Variants in RBM27 observed in about 807,000 individuals in gnomAD.
The protein encoded by RBM27 is RNA binding motif protein 27.
In RBM27, 22 loss-of-function variants were observed where a neutral mutation model predicts 135.3. The observed-to-expected ratio is 0.16, with a 90% confidence interval of 0.12 to 0.23. The LOEUF (loss-of-function observed/expected upper bound fraction) is 0.23. RBM27 is among the 10% of genes least tolerant of loss of function. The pLI is 1.00. For missense variants in RBM27, 1,009 were observed against 1,281.0 expected, an observed-to-expected ratio of 0.79 and a Z score of 3.24; for synonymous variants, 481 against 442.4, an observed-to-expected ratio of 1.09 and a Z score of -1.10.
intron 3 of RBM27, among the ~76,000 whole-genome samples, chr5:146,224,933 C>T (rs958847414): frequency 1.1e-4 from 17 of 152,038 alleles, no homozygotes; most frequent in African/African-American, 4.1e-4. Context: ...GAGTCACATA[C>T]TTCATGTCTT....
intron 1 of RBM27, among the ~76,000 whole-genome samples, chr5:146,204,041 G>A (rs1282408604): frequency 6.6e-6 from 1 of 152,156 alleles, no homozygotes; most frequent in African/African-American, 2.4e-5. Context: ...GGGACTGGGG[G>A]GGCAGGCAAG....
rs575199417 is a variant in RBM27, at chr5:146,211,231, G to T, written c.59+7407G>T. On this transcript the variant is annotated intron_variant, in intron 1 of 20. Coordinates refer to ENST00000265271, the MANE Select transcript of RBM27 (RefSeq NM_018989.2). ...GGAGGTTGAGGCTGCAGTGAGCTAT[G>T]ATCAAGCCACTGTACTCCAGCCTGG... Among the ~76,000 whole-genome samples, 20 of 152,116 alleles carry T rather than the reference G, an allele frequency of 1.3e-4. No individual in the cohort carries two copies. The South Asian group carries it at 4.1e-3, about 32-fold the overall frequency.
At chr5:146,274,630 A>G (rs1759015980) in intron 19 of RBM27, among the ~76,000 whole-genome samples, 2 of 152,124 alleles carry the variant, frequency 1.3e-5, no homozygotes, top group Non-Finnish European at 2.9e-5. Context: ...ATGAAGCATC[A>G]GTGTTTTATA....
intron 3 of RBM27, among the ~76,000 whole-genome samples, chr5:146,224,865 T>G (rs982246150): frequency 6.6e-6 from 1 of 152,086 alleles, no homozygotes; most frequent in African/African-American, 2.4e-5. Context: ...ACTGAAAATT[T>G]GCCCCATCTG....
chr5:146,212,223 T>G (rs1755993677), intron 1 of RBM27, among the ~76,000 whole-genome samples: 1 of 152,064 alleles, frequency 6.6e-6, no homozygotes, highest in Non-Finnish European at 1.5e-5. Flanking sequence ...GCCTGGCTAA[T>G]TTTTGTATTC....
chr5:146,238,597 A>G lies in RBM27; in HGVS notation c.1279+1165A>G, dbSNP rs995844284. Among the ~76,000 whole-genome samples, 11 of 151,902 alleles carry G rather than the reference A, an allele frequency of 7.2e-5. No homozygotes were observed. In the East Asian group the frequency reaches 2.1e-3, roughly 29 times the overall value. ...TTGTTTACTAAAGCTTTAAAAAATT[A>G]CTTCCTTCAAAAACATTTTTTAAAA... is the stretch of plus-strand genomic sequence containing the variant. On this transcript the variant is annotated intron_variant, in intron 8 of 20. Coordinates refer to ENST00000265271, the MANE Select transcript of RBM27 (RefSeq NM_018989.2).
At chr5:146,239,477 T>C (rs796757007) in intron 8 of RBM27, among the ~76,000 whole-genome samples, 49 of 140,246 alleles carry the variant, frequency 3.5e-4, no homozygotes, top group African/African-American at 8.9e-4. Context: ...CTTTTCTTTT[T>C]TTTTTTTTTT....
In RBM27 at chr5:146,277,517, A is replaced by ATTT. The variant is rs371321141; in HGVS notation, c.2988+5864_2988+5866dup. Among the ~76,000 whole-genome samples, 99 of 125,510 alleles carry ATTT rather than the reference A, an allele frequency of 7.9e-4. 1 individual carries two copies. The highest frequency in any genetic ancestry group is 9.9e-4 in the African/African-American group (32 of 32,272). 82.3% of individuals were successfully genotyped at this position (125,510 alleles called of 152,430 possible). On this transcript the variant is annotated intron_variant, in intron 19 of 20. Transcript: ENST00000265271. ...TAGATTTAGCATATTTACTGGGATA[A>ATTT]TTTTTTTTTTTTTTTTTTTTTTTGA...
intron 15 of RBM27, 30 bp from the exon 16 acceptor site, chr5:146,269,177 T>C (rs1413542522): frequency 6.7e-7 from 1 of 1,496,400 alleles, no homozygotes. Flanking sequence ...AATTACATTA[T>C]CTGTATTAAT....
At chr5:146,278,505 C>A (rs2939523) in intron 19 of RBM27, among the ~76,000 whole-genome samples, 98,891 of 151,458 alleles carry the variant, frequency 0.65, 32,548 homozygotes, top group Middle Eastern at 0.78. Flanking sequence ...TATTCTCTCT[C>A]TATATATATT....
At chr5:146,249,141 A>G (rs1757772445) in intron 8 of RBM27, among the ~76,000 whole-genome samples, 2 of 151,764 alleles carry the variant, frequency 1.3e-5, no homozygotes, top group African/African-American at 4.8e-5. Context: ...GCCACCATGC[A>G]TGGCTAATTT....
At chr5:146,241,044 C>A (rs1447845097) in intron 8 of RBM27, among the ~76,000 whole-genome samples, 1 of 151,896 alleles carries the variant, frequency 6.6e-6, no homozygotes, top group Admixed American at 6.6e-5. Context: ...TATTGTTTGC[C>A]TTTTGGACTT....
chr5:146,253,172 A>G (rs1757966591), intron 9 of RBM27, among the ~76,000 whole-genome samples: 1 of 151,808 alleles, frequency 6.6e-6, no homozygotes. Context: ...TAATTTTTGT[A>G]TTTTTAGTAG....
intron 8 of RBM27, among the ~76,000 whole-genome samples, chr5:146,246,038 T>G (rs559582525): frequency 1.9e-3 from 297 of 152,314 alleles, no homozygotes; most frequent in African/African-American, 6.9e-3. Context: ...AAGTTTCATT[T>G]GGGTACTTTA....
intron 4 of RBM27, 75 bp downstream of exon 4, chr5:146,229,112 T>G: frequency 9.6e-7 from 1 of 1,043,022 alleles, no homozygotes; most frequent in Non-Finnish European, 1.5e-6. Context: ...TTAAAGGGAT[T>G]TTTAATATAT....
At chr5:146,232,093 C>T (rs1163465587) in intron 6 of RBM27, among the ~76,000 whole-genome samples, 5 of 152,080 alleles carry the variant, frequency 3.3e-5, no homozygotes, top group African/African-American at 1.2e-4. Flanking sequence ...ATGCTTAACC[C>T]CAGTGTATCC....
chr5:146,251,151 T>C (rs952227823), intron 8 of RBM27, among the ~76,000 whole-genome samples: 1 of 152,196 alleles, frequency 6.6e-6, no homozygotes, highest in Non-Finnish European at 1.5e-5. Flanking sequence ...TCACTATCTT[T>C]AATTTTTTTC....
rs757693118 is a variant in RBM27, at chr5:146,233,637, TCCAGGCCC to T, written c.1039_1046del (p.Pro347ArgfsTer11). 5 of 1,589,746 alleles carry T rather than the reference TCCAGGCCC, an allele frequency of 3.1e-6. No individual in the cohort carries two copies. The South Asian group carries it at 5.7e-5, about 18-fold the overall frequency. On this transcript the variant is annotated frameshift_variant, in exon 7 of 21. Transcript: ENST00000265271. LOFTEE classifies it high-confidence loss of function. ...GTCCAGGCCCAGGCCCGGGCCCAGG[TCCAGGCCC>T]AGGCCCGGGCCCAGGTCCAGGTCCT...
chr5:146,282,751 A>T (rs949055535), intron 19 of RBM27, among the ~76,000 whole-genome samples: 5 of 152,216 alleles, frequency 3.3e-5, no homozygotes, highest in African/African-American at 1.2e-4. Context: ...ACACCAAGTG[A>T]TGACTGTATG....
Sources: allele counts gnomAD v4.1 joint callset (sites outside exome capture counted in the v4.1 genomes callset), GRCh38; gene constraint gnomAD v4.1.1; transcripts MANE v1.5; gene names NCBI Gene and HGNC (gene_info 2026-07-23, HGNC 2026-07-21).